RNF144A: variants seen among roughly 807,000 people sequenced by gnomAD.
The protein encoded by RNF144A is ring finger protein 144A.
In RNF144A, 11 loss-of-function variants were observed where a neutral mutation model predicts 38.7. The observed-to-expected ratio is 0.28, with a 90% CI of 0.18 to 0.47. The LOEUF (loss-of-function observed/expected upper bound fraction) is 0.47. Among genes scored for constraint, RNF144A ranks in the 20% least tolerant of loss-of-function variants. The pLI, the probability that RNF144A is intolerant of heterozygous loss-of-function variation, is 0.99. For synonymous variants in RNF144A, 149 were observed against 143.9 expected (o/e 1.04, Z -0.25); for missense variants, 316 against 377.2 (o/e 0.84, Z 1.34).
chr2:6,938,258 T>TG (rs1665727558), intron 1 of RNF144A, among the ~76,000 whole-genome samples: 1 of 145,840 alleles, frequency 6.9e-6, no homozygotes, highest in South Asian at 2.3e-4. Flanking sequence ...CCCTTTTTTT[T>TG]TTTTTTTGGA....
intron 6 of RNF144A, among the ~76,000 whole-genome samples, chr2:7,062,091 G>T (rs1050061971): frequency 3.9e-5 from 6 of 152,176 alleles, no homozygotes; most frequent in African/African-American, 1.4e-4. Context: ...GGGGTGGGCT[G>T]GGAACCTGGT....
intron 2 of RNF144A, among the ~76,000 whole-genome samples, chr2:6,950,972 C>T (rs545500657): frequency 9.2e-5 from 14 of 152,056 alleles, no homozygotes; most frequent in Non-Finnish European, 2.9e-5. Context: ...TTTTCACTTT[C>T]TGTAAGTTAT....
chr2:7,047,769 T>A (rs1345241277), downstream of RNF144A, among the ~76,000 whole-genome samples: 1 of 152,230 alleles, frequency 6.6e-6, no homozygotes, highest in African/African-American at 2.4e-5. Flanking sequence ...TGAGAACCTC[T>A]TCTGAGCCAG....
At chr2:6,949,388 C>T (rs922177851) in intron 2 of RNF144A, among the ~76,000 whole-genome samples, 25 of 150,172 alleles carry the variant, frequency 1.7e-4, no homozygotes, top group Admixed American at 4.0e-4. Flanking sequence ...CCCCTCCCCT[C>T]CCCTCCCCTT....
At chr2:6,952,686 G>A (rs1052872855) in intron 2 of RNF144A, among the ~76,000 whole-genome samples, 9 of 151,340 alleles carry the variant, frequency 5.9e-5, no homozygotes, top group African/African-American at 2.2e-4. Flanking sequence ...ATAGAATCCA[G>A]ATGTGTATTT....
intron 2 of RNF144A, among the ~76,000 whole-genome samples, chr2:6,968,841 G>A (rs979274396): frequency 6.6e-6 from 1 of 152,142 alleles, no homozygotes; most frequent in Admixed American, 6.5e-5. Context: ...CAGAGCCCAC[G>A]GTGTTCTCAG....
intron 2 of RNF144A, among the ~76,000 whole-genome samples, chr2:6,948,572 C>T (rs1014457062): frequency 2.0e-5 from 3 of 152,182 alleles, no homozygotes; most frequent in Non-Finnish European, 2.9e-5. Context: ...TTGAAACAAG[C>T]CCAGGATGCC....
Position 7,039,987 on chromosome 2 carries a change from A to G in RNF144A, c.*227A>G. The G allele has an allele frequency of 1.5e-6, 2 of 1,324,364 alleles. No individual in the cohort carries two copies. The highest frequency in any genetic ancestry group is 1.9e-6 in the Non-Finnish European group (2 of 1,034,480). The allele number at this position is 1,324,364 out of a possible 1,614,324, so 82.0% of individuals were successfully genotyped here. A position where few individuals can be genotyped will look rare whatever the true frequency, so the allele number is the denominator to read the frequency against. ...AGGTGTGGGTAGCGCACATCCCCACAGATCAATCTCTGCAGATGACAGGGA... is the reference window on the plus strand; with the variant it reads ...AGGTGTGGGTAGCGCACATCCCCACGGATCAATCTCTGCAGATGACAGGGA... On this transcript the variant is annotated 3_prime_UTR_variant, in exon 9 of 9. Coordinates refer to ENST00000320892, the MANE Select transcript of RNF144A (RefSeq NM_014746.6).
intron 3 of RNF144A, among the ~76,000 whole-genome samples, chr2:7,005,532 ACTGCCAAGCTGGCAGTTTCCAG>A (rs1424218712): frequency 2.7e-5 from 4 of 150,598 alleles, no homozygotes; most frequent in East Asian, 1.9e-4. Context: ...GAAGCTTCCA[ACTGCCAAGCTGGCAGTTTCCAG>A]CTGCCAAGAT....
chr2:7,027,983 G>C (rs2103441704), intron 7 of RNF144A, among the ~76,000 whole-genome samples: 1 of 135,086 alleles, frequency 7.4e-6, no homozygotes, highest in Non-Finnish European at 1.6e-5. Context: ...ATGAGGGTGG[G>C]GGGCGGGGTG....
chr2:6,983,929 G>C (rs1453601059), intron 2 of RNF144A, among the ~76,000 whole-genome samples: 1 of 152,196 alleles, frequency 6.6e-6, no homozygotes, highest in Non-Finnish European at 1.5e-5. Flanking sequence ...CACATTCTGA[G>C]CAGCTTCTTT....
intron 6 of RNF144A, among the ~76,000 whole-genome samples, chr2:7,060,194 C>A (rs1673898962): frequency 6.6e-6 from 1 of 152,054 alleles, no homozygotes. Flanking sequence ...TGTTTCTCTT[C>A]TTTCTGCCCC....
At chr2:6,989,577 G>A (rs1411285720) in intron 2 of RNF144A, among the ~76,000 whole-genome samples, 1 of 152,026 alleles carries the variant, frequency 6.6e-6, no homozygotes, top group Non-Finnish European at 1.5e-5. Flanking sequence ...ATCCTACCAT[G>A]CCCCTGACCT....
chr2:7,011,076 A>G (rs775623367), intron 3 of RNF144A, among the ~76,000 whole-genome samples: 7 of 145,702 alleles, frequency 4.8e-5, no homozygotes, highest in Non-Finnish European at 9.3e-5. Flanking sequence ...TTCTACAGAA[A>G]AAGTTTATGA....
chr2:6,982,911 G>C (rs372923870), intron 2 of RNF144A, among the ~76,000 whole-genome samples: 1 of 152,230 alleles, frequency 6.6e-6, no homozygotes, highest in Non-Finnish European at 1.5e-5. Flanking sequence ...CTGAGGCCCC[G>C]TGAAATGGAA....
chr2:7,064,715 G>A (rs2103481764), intron 6 of RNF144A, among the ~76,000 whole-genome samples: 1 of 152,346 alleles, frequency 6.6e-6, no homozygotes, highest in Middle Eastern at 3.4e-3. Context: ...GAAAAGGGGA[G>A]ACTGAAGTTG....
chr2:6,970,707 A>G (rs1380606328), intron 2 of RNF144A, among the ~76,000 whole-genome samples: 3 of 152,290 alleles, frequency 2.0e-5, no homozygotes, highest in South Asian at 4.2e-4. Context: ...TGTGGTGGAC[A>G]ATGAGCCCAG....
chr2:6,946,772 C>G (rs2103306978), intron 2 of RNF144A, among the ~76,000 whole-genome samples: 1 of 151,970 alleles, frequency 6.6e-6, no homozygotes, highest in South Asian at 2.1e-4. Context: ...TTGACTTAAA[C>G]AAAGTGCCTC....
chr2:6,971,597 G>A (rs1478675532), intron 2 of RNF144A, among the ~76,000 whole-genome samples: 1 of 152,074 alleles, frequency 6.6e-6, no homozygotes, highest in Non-Finnish European at 1.5e-5. Context: ...GGCTAACATG[G>A]GGCAATCAGT....
Sources: allele counts gnomAD v4.1 joint callset (sites outside exome capture counted in the v4.1 genomes callset), GRCh38; gene constraint gnomAD v4.1.1; transcripts MANE v1.5; gene names NCBI Gene and HGNC (gene_info 2026-07-23, HGNC 2026-07-21).